VPS35L: variants seen among roughly 807,000 people sequenced by gnomAD.
VPS35L encodes VPS35 endosomal protein-sorting factor-like.
VPS35L carries 83 observed loss-of-function variants against 133.0 expected under a neutral mutation model. That is an observed-to-expected ratio of 0.62 (90% CI 0.52 to 0.75). VPS35L has a LOEUF of 0.75. Among genes scored for constraint, VPS35L ranks in the 30% least tolerant of loss-of-function variants. The pLI is 0.00. For missense variants in VPS35L, 1,083 were observed against 1,206.8 expected (o/e 0.90, Z 1.52); for synonymous variants, 423 against 449.9 (o/e 0.94, Z 0.76).
At chr16:19,561,648 T>C (rs1971032846) in intron 1 of VPS35L, among the ~76,000 whole-genome samples, 1 of 151,960 alleles carries the variant, frequency 6.6e-6, no homozygotes, top group Admixed American at 6.6e-5. Flanking sequence ...GGTGGGGGGA[T>C]GAATTTAAGG....
At chr16:19,677,778 T>C (rs189831172) in intron 27 of VPS35L, among the ~76,000 whole-genome samples, 3 of 152,312 alleles carry the variant, frequency 2.0e-5, no homozygotes, top group African/African-American at 7.2e-5. Context: ...CTATCTCTGT[T>C]TTCCCCAGTG....
chr16:19,575,615 C>T (rs1404140698), intron 5 of VPS35L, among the ~76,000 whole-genome samples: 3 of 150,222 alleles, frequency 2.0e-5, no homozygotes, highest in Non-Finnish European at 2.9e-5. Context: ...GTAATCCCAG[C>T]ACTTTGGGAG....
At chr16:19,605,515 G>A (rs1972513188) in intron 9 of VPS35L, among the ~76,000 whole-genome samples, 2 of 152,300 alleles carry the variant, frequency 1.3e-5, no homozygotes. Context: ...CATGCTGGCT[G>A]CTCCCCTTTC....
intron 26 of VPS35L, among the ~76,000 whole-genome samples, chr16:19,655,841 C>T (rs1468268303): frequency 6.6e-6 from 1 of 152,232 alleles, no homozygotes; most frequent in East Asian, 1.9e-4. Flanking sequence ...CTCTAGGTAA[C>T]TTCTTGCCCT....
chr16:19,563,514 TTCTC>T (rs965443785), intron 1 of VPS35L, among the ~76,000 whole-genome samples: 3 of 152,128 alleles, frequency 2.0e-5, no homozygotes, highest in Non-Finnish European at 4.4e-5. Flanking sequence ...TTCTTGCACA[TTCTC>T]TCTCTCCTCC....
intron 28 of VPS35L, among the ~76,000 whole-genome samples, chr16:19,691,018 G>T (rs1975657043): frequency 6.6e-6 from 1 of 152,140 alleles, no homozygotes; most frequent in African/African-American, 2.4e-5. Flanking sequence ...GGTTGTGGGG[G>T]ACTCTGCAAT....
At chr16:19,697,815 T>C (rs916227635) in intron 29 of VPS35L, among the ~76,000 whole-genome samples, 1 of 152,190 alleles carries the variant, frequency 6.6e-6, no homozygotes, top group African/African-American at 2.4e-5. Flanking sequence ...ACCCTGAGTG[T>C]GTGGCCTGGA....
intron 27 of VPS35L, among the ~76,000 whole-genome samples, chr16:19,669,553 C>A (rs1302426121): frequency 1.3e-5 from 2 of 152,088 alleles, no homozygotes; most frequent in Non-Finnish European, 2.9e-5. Flanking sequence ...TCTTAAACAA[C>A]ATTTATTTCT....
chr16:19,557,602 C>A (rs771871145), intron 1 of VPS35L, among the ~76,000 whole-genome samples: 12 of 152,082 alleles, frequency 7.9e-5, no homozygotes, highest in Non-Finnish European at 1.5e-4. Context: ...AGGCTGGTCT[C>A]GAACTCCTGA....
At chr16:19,616,221 G>T (rs1039445279) in intron 13 of VPS35L, 30 bp downstream of exon 13, 1 of 1,554,304 alleles carries the variant, frequency 6.4e-7, no homozygotes, top group Admixed American at 1.7e-5. Flanking sequence ...ATAGCTCATC[G>T]ATATAACAGT....
intron 26 of VPS35L, 129 bp downstream of exon 26, chr16:19,652,219 C>T: frequency 1.4e-6 from 1 of 715,016 alleles, no homozygotes; most frequent in East Asian, 2.8e-5. Context: ...CTCTGTCACC[C>T]AGGCTGGAAT....
chr16:19,686,541 C>A (rs61603074), intron 28 of VPS35L, among the ~76,000 whole-genome samples: 2 of 152,234 alleles, frequency 1.3e-5, no homozygotes, highest in South Asian at 2.1e-4. Flanking sequence ...CACTCTTCCA[C>A]GTCACCTGCC....
chr16:19,699,393 C>A lies in VPS35L; in HGVS notation c.2647-109C>A. The A allele has an allele frequency of 1.5e-6, 2 of 1,348,144 alleles. No individual in the cohort carries two copies. The highest frequency in any genetic ancestry group is 2.0e-6 in the Non-Finnish European group (2 of 983,120). 83.5% of individuals were successfully genotyped at this position (1,348,144 alleles called of 1,614,324 possible). ...TACAGCAAATACATGGCAGAGCTGG[C>A]ACTGGAACTCAGGCATGACCTACCC... On this transcript the variant is annotated intron_variant, in intron 29 of 30. Transcript: ENST00000417362. This position sits in a 1 kb window ranked among gnomAD's most constrained non-coding sequence, Gnocchi z 4.2.
rs751590757 is a variant in VPS35L at position 19,640,230 on chromosome 16, A to G, written c.1784+130A>G. 219 of 754,138 alleles carry G rather than the reference A, an allele frequency of 2.9e-4. 2 individuals carry two copies. Among genetic ancestry groups the G allele is most frequent in the Non-Finnish European group, 2.4e-4 (114 of 474,100 alleles). 46.7% of individuals were successfully genotyped at this position (754,138 alleles called of 1,614,324 possible). ...ATTTCATACAGAAAACCACACTGGA[A>G]GGAAAGCCACATTAAAAGCAGCAGT... is the stretch of plus-strand genomic sequence containing the variant. On this transcript the variant is annotated intron_variant, in intron 21 of 30. Transcript: ENST00000417362.
chr16:19,601,778 G>T, intron 9 of VPS35L, 55 bp downstream of exon 9: 1 of 1,556,484 alleles, frequency 6.4e-7, no homozygotes, highest in South Asian at 1.1e-5. Context: ...AGGACTAGAA[G>T]GCTTTTATTG....
rs938630585 is a variant in VPS35L at position 19,633,801 on chromosome 16, G to A, written c.1635+629G>A. Reference sequence around the variant, plus strand: ...TGCCCAGGCTGGAGTGCAGTGGTGCGATCTTGGCTCATTGCAACCTCCACC... The same window carrying A: ...TGCCCAGGCTGGAGTGCAGTGGTGCAATCTTGGCTCATTGCAACCTCCACC... On this transcript the variant is annotated intron_variant, in intron 19 of 30. Coordinates refer to ENST00000417362, the MANE Select transcript of VPS35L (RefSeq NM_020314.7). The surrounding 1 kb of genome is among the most constrained non-coding windows in gnomAD (Gnocchi z 4.1). Among the ~76,000 whole-genome samples the A allele has an allele frequency of 1.3e-5, 2 of 152,026 alleles. No homozygotes were observed. Among genetic ancestry groups the A allele is most frequent in the East Asian group, 3.9e-4 (2 of 5,170 alleles).
intron 28 of VPS35L, among the ~76,000 whole-genome samples, chr16:19,687,012 C>T (rs1975485802): frequency 6.6e-6 from 1 of 152,182 alleles, no homozygotes; most frequent in South Asian, 2.1e-4. Context: ...AATACCTCTG[C>T]ACACTATTGC....
intron 14 of VPS35L, among the ~76,000 whole-genome samples, chr16:19,623,378 C>T (rs1247617875): frequency 1.3e-5 from 2 of 152,168 alleles, no homozygotes; most frequent in East Asian, 1.9e-4. Context: ...TCTGTGTACA[C>T]GCATCCTTGC....
chr16:19,599,962 AC>A (rs1350813957), intron 8 of VPS35L, among the ~76,000 whole-genome samples: 1 of 152,096 alleles, frequency 6.6e-6, no homozygotes. Flanking sequence ...GATTGCTTGA[AC>A]CCAGGAGGTG....
Sources: gnomAD v4.1 joint callset for allele counts (sites outside exome capture counted in the v4.1 genomes callset) on GRCh38, gnomAD v4.1.1 for gene constraint, Gnocchi (gnomAD v3.1) non-coding constraint, MANE v1.5 for transcripts, NCBI Gene and HGNC (gene_info 2026-07-23, HGNC 2026-07-21) for gene names.